Variants in APP observed in about 807,000 individuals in gnomAD.
APP encodes the protein amyloid beta precursor protein.
APP carries 31 observed loss-of-function variants against 101.4 expected under a neutral mutation model. The ratio of observed to expected loss-of-function variants is 0.31; its 90% confidence interval spans 0.23 to 0.41. The LOEUF is 0.41. APP is among the 10% of genes least tolerant of loss of function. The probability of loss-of-function intolerance (pLI) is 1.00; values close to 1 mark genes in which losing one functional copy is unlikely to be tolerated. For synonymous variants in APP, 366 were observed against 364.4 expected, an observed-to-expected ratio of 1.00 and a Z score of -0.05; for missense variants, 839 against 1,003.7, an observed-to-expected ratio of 0.84 and a Z score of 2.22.
In APP at chr21:26,117,783, G is replaced by A. The variant is rs1401224782; in HGVS notation, c.58-5637C>T. Among the ~76,000 whole-genome samples the A allele has an allele frequency of 2.0e-5, 3 of 152,184 alleles. No homozygotes were observed. The South Asian group carries it at 6.2e-4, about 32-fold the overall frequency. ...CAAGTGGTTTCTATTTACCCTTGTG[G>A]AGAGTTGCCACATCTATTCACAGCC... On this transcript the variant is annotated intron_variant, in intron 1 of 17. Transcript: ENST00000346798.
intron 13 of APP, among the ~76,000 whole-genome samples, chr21:25,946,954 A>AT (rs1199309547): frequency 1.3e-5 from 2 of 152,144 alleles, no homozygotes; most frequent in East Asian, 3.9e-4. Context: ...AGAGCGCAAT[A>AT]TTTTTTTAAA....
chr21:26,075,619 A>G (rs2061485721), intron 3 of APP, among the ~76,000 whole-genome samples: 1 of 152,242 alleles, frequency 6.6e-6, no homozygotes, highest in Non-Finnish European at 1.5e-5. Context: ...CAGCGTAACA[A>G]GGACTAAGAA....
chr21:25,978,430 C>A (rs2042302819), intron 9 of APP, among the ~76,000 whole-genome samples: 1 of 152,112 alleles, frequency 6.6e-6, no homozygotes, highest in African/African-American at 2.4e-5. Context: ...TTAGCCAGGG[C>A]CATCCCATTT....
intron 13 of APP, among the ~76,000 whole-genome samples, chr21:25,915,412 A>C (rs2039305892): frequency 6.6e-6 from 1 of 152,230 alleles, no homozygotes; most frequent in South Asian, 2.1e-4. Flanking sequence ...TTCAAGACCC[A>C]ATGGCCAGTA....
chr21:25,943,780 A>T (rs1182194795), intron 13 of APP, among the ~76,000 whole-genome samples: 1 of 152,232 alleles, frequency 6.6e-6, no homozygotes, highest in African/African-American at 2.4e-5. Context: ...CTTACAAATA[A>T]AAGTGGTGAC....
chr21:25,990,299 G>A (rs542932544), intron 8 of APP, among the ~76,000 whole-genome samples: 2 of 152,208 alleles, frequency 1.3e-5, no homozygotes, highest in African/African-American at 4.8e-5. Flanking sequence ...TACTGACATG[G>A]GAATTTTTTC....
In APP at chr21:25,975,058, A is replaced by C. The variant is rs1451574807; in HGVS notation, c.1458+12T>G. 1 of 1,613,980 alleles carries C rather than the reference A, an allele frequency of 6.2e-7. No homozygotes were observed. The highest frequency in any genetic ancestry group is 2.2e-5 in the East Asian group (1 of 44,848). On this transcript the variant is annotated intron_variant, in intron 11 of 17. Coordinates refer to ENST00000346798, the MANE Select transcript of APP (RefSeq NM_000484.4). ...TGACCTGAAGTGTGAACTCGGCTGC[A>C]GCGAGACCTACCCGAGGAGGAACAG...
intron 5 of APP, among the ~76,000 whole-genome samples, chr21:26,035,018 G>A (rs906264807): frequency 6.6e-6 from 1 of 152,162 alleles, no homozygotes; most frequent in African/African-American, 2.4e-5. Flanking sequence ...AGGCATGGTG[G>A]CTCATGCCTG....
intron 1 of APP, among the ~76,000 whole-genome samples, chr21:26,142,318 T>G (rs1411651360): frequency 6.6e-6 from 1 of 152,164 alleles, no homozygotes; most frequent in Non-Finnish European, 1.5e-5. Context: ...CACTCGATCT[T>G]TCTAGGCTCT....
At chr21:25,944,041 C>A (rs564964504) in intron 13 of APP, among the ~76,000 whole-genome samples, 4 of 151,972 alleles carry the variant, frequency 2.6e-5, no homozygotes, top group Admixed American at 6.6e-5. Flanking sequence ...AATGCCCCCC[C>A]CCAACCAAAA....
intron 11 of APP, among the ~76,000 whole-genome samples, chr21:25,963,618 T>C (rs2041674808): frequency 6.6e-6 from 1 of 152,206 alleles, no homozygotes; most frequent in Non-Finnish European, 1.5e-5. Context: ...AGAACTATTA[T>C]TTTCACAGTT....
chr21:25,914,932 T>C (rs177294), intron 13 of APP, among the ~76,000 whole-genome samples: 137,814 of 152,234 alleles, frequency 0.91, 62,452 homozygotes, highest in Non-Finnish European at 0.92. Flanking sequence ...GGTATCATGA[T>C]AACAGCACAA....
chr21:26,018,115 T>C (rs966722803), intron 6 of APP, among the ~76,000 whole-genome samples: 8 of 152,242 alleles, frequency 5.3e-5, no homozygotes, highest in Non-Finnish European at 1.5e-5. Flanking sequence ...GAGAAGATTA[T>C]GACTACGCTA....
chr21:26,005,314 C>T (rs765851344), intron 6 of APP, among the ~76,000 whole-genome samples: 2 of 151,924 alleles, frequency 1.3e-5, no homozygotes, highest in Non-Finnish European at 2.9e-5. Context: ...CTCGCGAGGC[C>T]GAAGCACTGG....
At chr21:26,112,936 G>A (rs1007895319) in intron 1 of APP, among the ~76,000 whole-genome samples, 3 of 152,052 alleles carry the variant, frequency 2.0e-5, no homozygotes, top group Non-Finnish European at 4.4e-5. Flanking sequence ...ATGAAAAAGG[G>A]TGCCTTCTGT....
intron 2 of APP, among the ~76,000 whole-genome samples, chr21:26,099,284 T>A (rs1179029003): frequency 2.6e-5 from 4 of 152,176 alleles, no homozygotes; most frequent in African/African-American, 4.8e-5. Flanking sequence ...AGAGATAGCC[T>A]ATCTTGTATA....
chr21:25,988,840 T>C, intron 8 of APP, among the ~76,000 whole-genome samples: 1 of 74,136 alleles, frequency 1.3e-5, no homozygotes, highest in East Asian at 4.3e-4. Context: ...ACCAAAATGC[T>C]GTATTACCTC....
rs751958426 is a variant in APP, at chr21:26,051,149, C to T, written c.513G>A (p.Leu171=). The change falls in exon 5 of 18, where the codon TTG becomes TTA. Residue 171 remains leucine, a synonymous_variant. Coordinates refer to ENST00000346798, the MANE Select transcript of APP (RefSeq NM_000484.4). ...KSTNLHDYGM[L]LPCGIDKFRG... ...GGAACTTGTCAATTCCGCAGGGCAGCAACATGCCGTAGTCATGCAAGTTGG... is the reference window on the plus strand; with the variant it reads ...GGAACTTGTCAATTCCGCAGGGCAGTAACATGCCGTAGTCATGCAAGTTGG... 1 of 1,614,110 alleles carries T rather than the reference C, an allele frequency of 6.2e-7. No homozygotes were observed. Among genetic ancestry groups the T allele is most frequent in the Non-Finnish European group, 8.5e-7 (1 of 1,180,020 alleles).
chr21:25,899,507 C>T (rs906416668), intron 15 of APP, among the ~76,000 whole-genome samples: 3 of 152,034 alleles, frequency 2.0e-5, no homozygotes, highest in Non-Finnish European at 4.4e-5. Context: ...TGCAGGGGTG[C>T]GAGATGCCAT....
Sources: gnomAD v4.1 joint callset for allele counts (sites outside exome capture counted in the v4.1 genomes callset) on GRCh38, gnomAD v4.1.1 for gene constraint, MANE v1.5 for transcripts, NCBI Gene and HGNC (gene_info 2026-07-23, HGNC 2026-07-21) for gene names.